Variants in TLN2 observed in about 807,000 individuals in gnomAD.
TLN2 encodes talin 2.
A neutral mutation model predicts 294.7 loss-of-function variants in TLN2; 118 were observed. The ratio of observed to expected loss-of-function variants is 0.40; its 90% confidence interval spans 0.34 to 0.47. TLN2 has a LOEUF of 0.47. Ranked by LOEUF, TLN2 falls within the 20% of genes least tolerant of loss-of-function variation. The pLI, the probability that TLN2 is intolerant of heterozygous loss-of-function variation, is 0.84. For synonymous variants in TLN2, 1,431 were observed against 1,304.5 expected (o/e 1.10, Z -2.09); for missense variants, 3,083 against 3,282.2 (o/e 0.94, Z 1.48).
At chr15:62,621,346 A>C (rs1246622444) in intron 3 of TLN2, among the ~76,000 whole-genome samples, 3 of 152,348 alleles carry the variant, frequency 2.0e-5, no homozygotes, top group Middle Eastern at 3.4e-3. Context: ...GGGGCACAAT[A>C]TGCTAGTTCA....
intron 1 of TLN2, among the ~76,000 whole-genome samples, chr15:62,581,152 T>C (rs1393530792): frequency 3.9e-5 from 6 of 152,180 alleles, no homozygotes; most frequent in Non-Finnish European, 2.9e-5. Context: ...AGTGCCATGA[T>C]TACAGGTGTG....
At chr15:62,815,181 A>AGT (rs2067009591) in intron 52 of TLN2, among the ~76,000 whole-genome samples, 2 of 19,342 alleles carry the variant, frequency 1.0e-4, no homozygotes, top group Non-Finnish European at 2.5e-4. Flanking sequence ...TGTCTGTCAC[A>AGT]CACACACACA....
rs183090298 is a variant in TLN2, at chr15:62,791,133, G to A, written c.5737-1508G>A. On this transcript the variant is annotated intron_variant, in intron 45 of 58. Transcript: ENST00000636159. ...CACTTGAGGTGGACGGATCACCTGA[G>A]GTCAGGAGTTCGAGACCAGCCTGGC... 3.9e-5 allele frequency among the ~76,000 whole-genome samples: 6 copies of A among 152,046 alleles called. No individual in the cohort carries two copies. In the East Asian group the frequency reaches 1.2e-3, roughly 29 times the overall value.
intron 43 of TLN2, among the ~76,000 whole-genome samples, chr15:62,777,756 G>A (rs2063823693): frequency 6.6e-6 from 1 of 152,142 alleles, no homozygotes. Flanking sequence ...ACTCTTGTAG[G>A]CTACAGACAT....
intron 1 of TLN2, among the ~76,000 whole-genome samples, chr15:62,392,991 G>C (rs561514752): frequency 6.6e-6 from 1 of 151,558 alleles, no homozygotes; most frequent in Admixed American, 6.6e-5. Context: ...ATGCCTACAC[G>C]AATGCCTTTT....
At chr15:62,672,658 A>G (rs1403172691) in intron 9 of TLN2, among the ~76,000 whole-genome samples, 8 of 152,244 alleles carry the variant, frequency 5.3e-5, no homozygotes, top group Admixed American at 5.2e-4. Context: ...AGCCACAAGA[A>G]GTCCCAGGAA....
chr15:62,595,169 C>T (rs888261250), intron 2 of TLN2, among the ~76,000 whole-genome samples: 4 of 152,094 alleles, frequency 2.6e-5, no homozygotes, highest in African/African-American at 9.7e-5. Context: ...ACGCCTGTAT[C>T]CCAGCACTTT....
intron 1 of TLN2, among the ~76,000 whole-genome samples, chr15:62,586,898 A>C (rs1259467108): frequency 6.6e-6 from 1 of 152,238 alleles, no homozygotes; most frequent in Non-Finnish European, 1.5e-5. Flanking sequence ...CATAAACATT[A>C]GTTGAAATTG....
At chr15:62,704,174 C>T (rs759471264) in intron 19 of TLN2, among the ~76,000 whole-genome samples, 35 of 152,024 alleles carry the variant, frequency 2.3e-4, no homozygotes, top group Non-Finnish European at 4.0e-4. Context: ...GAAATATTTA[C>T]TTAGAAGAAA....
chr15:62,398,682 A>G (rs1222960733), intron 1 of TLN2, among the ~76,000 whole-genome samples: 7 of 152,184 alleles, frequency 4.6e-5, no homozygotes, highest in African/African-American at 1.2e-4. Context: ...TGCTTCAGCA[A>G]AGAGACTGGT....
At chr15:62,686,169 C>T (rs995351894) in intron 11 of TLN2, among the ~76,000 whole-genome samples, 8 of 152,220 alleles carry the variant, frequency 5.3e-5, no homozygotes, top group African/African-American at 1.9e-4. Flanking sequence ...AAATATATTT[C>T]AGAGATTTAA....
intron 57 of TLN2, 151 bp from the exon 58 acceptor site, chr15:62,838,705 G>T: frequency 9.9e-6 from 10 of 1,013,146 alleles, no homozygotes; most frequent in Non-Finnish European, 1.2e-5. Context: ...TGGATGGACA[G>T]ACAGATGGGT....
intron 18 of TLN2, 87 bp from the exon 19 acceptor site, chr15:62,702,679 T>G: frequency 7.8e-4 from 1,038 of 1,327,140 alleles, no homozygotes; most frequent in Non-Finnish European, 1.0e-3. Flanking sequence ...GCAAATTCTG[T>G]GAGATTCTAC....
chr15:62,475,474 AT>A (rs1340639676), intron 1 of TLN2, among the ~76,000 whole-genome samples: 1 of 152,170 alleles, frequency 6.6e-6, no homozygotes, highest in Non-Finnish European at 1.5e-5. Flanking sequence ...TATTTGGATG[AT>A]TATATTTGAA....
chr15:62,599,537 A>C lies in TLN2; in HGVS notation c.-162+9775A>C, dbSNP rs564052158. Among the ~76,000 whole-genome samples the C allele has an allele frequency of 4.6e-5, 7 of 152,368 alleles. No homozygotes were observed. In the East Asian group the frequency reaches 1.3e-3, roughly 29 times the overall value. On this transcript the variant is annotated intron_variant, in intron 2 of 58. Coordinates refer to ENST00000636159, the MANE Select transcript of TLN2 (RefSeq NM_015059.3). ...TGGATACAAATGATTTAGTGGCACA[A>C]ATCTATTTGGAAAATTTAAATCTGA...
intron 1 of TLN2, among the ~76,000 whole-genome samples, chr15:62,434,011 A>G (rs954372840): frequency 2.0e-5 from 3 of 150,654 alleles, no homozygotes; most frequent in African/African-American, 4.9e-5. Flanking sequence ...CAAAAAAAAG[A>G]TTGTCTCCCT....
At chr15:62,643,911 C>G (rs2051483577) in intron 3 of TLN2, among the ~76,000 whole-genome samples, 1 of 152,138 alleles carries the variant, frequency 6.6e-6, no homozygotes, top group East Asian at 1.9e-4. Context: ...TGTCCTGGGA[C>G]TGTCTCTAGG....
intron 1 of TLN2, among the ~76,000 whole-genome samples, chr15:62,551,972 C>T (rs957502102): frequency 2.0e-5 from 3 of 152,190 alleles, no homozygotes; most frequent in Non-Finnish European, 4.4e-5. Flanking sequence ...TACAAGAAGG[C>T]ACACTTAAAG....
chr15:62,503,053 T>C (rs1221136443), intron 1 of TLN2, among the ~76,000 whole-genome samples: 1 of 152,332 alleles, frequency 6.6e-6, no homozygotes, highest in South Asian at 2.1e-4. Flanking sequence ...CCTTATGGCC[T>C]GGCCACTCTG....
Sources: gnomAD v4.1 joint callset for allele counts (sites outside exome capture counted in the v4.1 genomes callset) on GRCh38, gnomAD v4.1.1 for gene constraint, MANE v1.5 for transcripts, NCBI Gene and HGNC (gene_info 2026-07-23, HGNC 2026-07-21) for gene names.